Variants in RCOR1 observed in about 807,000 individuals in gnomAD.
RCOR1 encodes REST corepressor.
In RCOR1, 12 loss-of-function variants were observed where a neutral mutation model predicts 64.0. The observed-to-expected ratio is 0.19, with a 90% CI of 0.12 to 0.30. The LOEUF (loss-of-function observed/expected upper bound fraction) is 0.30, where lower values mean the gene tolerates loss of function less well. Ranked by LOEUF, RCOR1 falls within the 10% of genes least tolerant of loss-of-function variation. The pLI is 1.00. For synonymous variants in RCOR1, 279 were observed against 227.2 expected, an observed-to-expected ratio of 1.23 and a Z score of -2.05; for missense variants, 502 against 621.2, an observed-to-expected ratio of 0.81 and a Z score of 2.04.
intron 3 of RCOR1, among the ~76,000 whole-genome samples, chr14:102,685,643 TG>T (rs1191174129): frequency 6.6e-6 from 1 of 152,146 alleles, no homozygotes; most frequent in East Asian, 1.9e-4. Flanking sequence ...CCCCTGCACC[TG>T]GCCTTGAATT....
intron 2 of RCOR1, chr14:102,662,248 C>T: frequency 1.9e-6 from 1 of 524,822 alleles, no homozygotes; most frequent in South Asian, 1.4e-5. Context: ...GTTTAGATGA[C>T]CCCAATTTTG....
chr14:102,710,908 A>G, intron 6 of RCOR1, 27 bp from the exon 7 acceptor site: 30 of 1,516,262 alleles, frequency 2.0e-5, no homozygotes, highest in Non-Finnish European at 2.7e-5. Context: ...CAAAATAATC[A>G]TTCAGTAACT....
At chr14:102,691,932 C>T (rs560184972) in intron 3 of RCOR1, among the ~76,000 whole-genome samples, 123 of 152,266 alleles carry the variant, frequency 8.1e-4, no homozygotes, top group South Asian at 4.1e-3. Flanking sequence ...AATATATATG[C>T]TAAGTTCTGA....
At chr14:102,699,044 G>A (rs899530835) in intron 3 of RCOR1, among the ~76,000 whole-genome samples, 1 of 151,968 alleles carries the variant, frequency 6.6e-6, no homozygotes, top group Non-Finnish European at 1.5e-5. Context: ...GCGCCACCAC[G>A]CCCAGCTAAT....
chr14:102,700,918 C>T (rs1396041084), intron 3 of RCOR1, among the ~76,000 whole-genome samples: 1 of 152,146 alleles, frequency 6.6e-6, no homozygotes, highest in Non-Finnish European at 1.5e-5. Context: ...CTAGGAAGGC[C>T]TTACAATCAT....
intron 2 of RCOR1, among the ~76,000 whole-genome samples, chr14:102,628,575 C>T (rs1277984251): frequency 6.6e-6 from 1 of 151,970 alleles, no homozygotes; most frequent in Non-Finnish European, 1.5e-5. Flanking sequence ...AACTCTTAGC[C>T]TCTTAGTGGA....
chr14:102,614,654 A>G (rs1291273630), intron 2 of RCOR1, among the ~76,000 whole-genome samples: 1 of 152,076 alleles, frequency 6.6e-6, no homozygotes, highest in African/African-American at 2.4e-5. Flanking sequence ...GTCAGTTTCC[A>G]TGGTATTGCC....
intron 8 of RCOR1, among the ~76,000 whole-genome samples, chr14:102,717,267 G>C (rs765647685): frequency 3.9e-5 from 6 of 152,122 alleles, no homozygotes; most frequent in Non-Finnish European, 7.4e-5. Context: ...ACTATTTTTG[G>C]TTTTTGCTGC....
rs1449128664 is a variant in RCOR1, at chr14:102,722,434, C to T, written c.1419+18C>T. 1.9e-6 allele frequency: 3 copies of T among 1,583,622 alleles called. No individual in the cohort carries two copies. Among genetic ancestry groups the T allele is most frequent in the South Asian group, 1.1e-5 (1 of 89,944 alleles). Reference sequence around the variant, plus strand: ...AAGACGAGGTAAATCTGAAACAAAACAGTCACTTCTCTTGTCAGGTTCACG... The same window carrying T: ...AAGACGAGGTAAATCTGAAACAAAATAGTCACTTCTCTTGTCAGGTTCACG... On this transcript the variant is annotated intron_variant, in intron 11 of 11. Transcript: ENST00000262241.
chr14:102,694,995 C>T (rs1373450318), intron 3 of RCOR1, among the ~76,000 whole-genome samples: 1 of 152,096 alleles, frequency 6.6e-6, no homozygotes, highest in Admixed American at 6.5e-5. Context: ...TGTCATCAGC[C>T]CACCATATGG....
At chr14:102,719,813 CAA>C (rs1453902010) in intron 8 of RCOR1, among the ~76,000 whole-genome samples, 1 of 152,134 alleles carries the variant, frequency 6.6e-6, no homozygotes, top group Non-Finnish European at 1.5e-5. Context: ...GCTAGAGTGA[CAA>C]GAGTGGTCTG....
At chr14:102,698,452 A>G (rs1895689217) in intron 3 of RCOR1, among the ~76,000 whole-genome samples, 2 of 152,216 alleles carry the variant, frequency 1.3e-5, no homozygotes, top group Admixed American at 1.3e-4. Context: ...TCATACATAC[A>G]TTCCTTACTC....
intron 2 of RCOR1, among the ~76,000 whole-genome samples, chr14:102,668,513 C>T (rs1894962249): frequency 6.6e-6 from 1 of 152,084 alleles, no homozygotes; most frequent in Admixed American, 6.6e-5. Flanking sequence ...ATGTGTATGT[C>T]AGTTGTGGCA....
chr14:102,616,441 A>AT (rs917547536), intron 2 of RCOR1, among the ~76,000 whole-genome samples: 38 of 151,322 alleles, frequency 2.5e-4, no homozygotes, highest in East Asian at 1.9e-4. Flanking sequence ...AGCTAATTAA[A>AT]TTTTTTTTTG....
rs937483381 is a variant in RCOR1, at chr14:102,728,660, A to G, written c.*2154A>G. ...ATGCTAATTTTTATATAGCGTGGCA[A>G]ACTGACCAGCAGTGCCAGGCCTTGA... On this transcript the variant is annotated 3_prime_UTR_variant, in exon 12 of 12. Transcript: ENST00000262241. The G allele has an allele frequency of 6.6e-6, 1 of 152,148 alleles. No individual in the cohort carries two copies. The highest frequency in any genetic ancestry group is 1.5e-5 in the Non-Finnish European group (1 of 68,032). 9.4% of individuals were successfully genotyped at this position (152,148 alleles called of 1,614,324 possible).
At chr14:102,690,356 G>A (rs1429385755) in intron 3 of RCOR1, among the ~76,000 whole-genome samples, 2 of 152,142 alleles carry the variant, frequency 1.3e-5, no homozygotes, top group Admixed American at 1.3e-4. Flanking sequence ...GAGCATCCCA[G>A]TAGCTTTTCA....
At position 102,727,195 on chromosome 14, in the gene RCOR1, T is replaced by A. The variant is rs576520449; in HGVS notation, c.*689T>A. 57 of 152,320 alleles carry A rather than the reference T, an allele frequency of 3.7e-4. No homozygotes were observed. The highest frequency in any genetic ancestry group is 1.3e-3 in the African/African-American group (55 of 41,536). The allele number at this position is 152,320 out of a possible 1,614,324, so 9.4% of individuals were successfully genotyped here. On this transcript the variant is annotated 3_prime_UTR_variant, in exon 12 of 12. Transcript: ENST00000262241. ...TGCAACTGTCGTTGGACACTGTAGC[T>A]TAAAGGGAACGTGGACCTCAATGCT...
At chr14:102,593,612 C>T (rs1478584818) in intron 2 of RCOR1, among the ~76,000 whole-genome samples, 1 of 152,222 alleles carries the variant, frequency 6.6e-6, no homozygotes, top group Non-Finnish European at 1.5e-5. Flanking sequence ...CACACCTGGC[C>T]TGGGGGCGCT....
intron 4 of RCOR1, among the ~76,000 whole-genome samples, chr14:102,705,019 TG>T (rs1438406147): frequency 9.2e-5 from 14 of 152,006 alleles, no homozygotes; most frequent in Admixed American, 9.2e-4. Flanking sequence ...TCAATTACTC[TG>T]GAGGTTGAGG....
Sources: gnomAD v4.1 joint callset for allele counts (sites outside exome capture counted in the v4.1 genomes callset) on GRCh38, gnomAD v4.1.1 for gene constraint, MANE v1.5 for transcripts, NCBI Gene and HGNC (gene_info 2026-07-23, HGNC 2026-07-21) for gene names.